PAPPA2: variants seen among roughly 807,000 people sequenced by gnomAD.
The protein encoded by PAPPA2 is pappalysin-2.
In PAPPA2, 86 loss-of-function variants were observed where a neutral mutation model predicts 176.4. The ratio of observed to expected loss-of-function variants is 0.49; its 90% CI spans 0.41 to 0.58. The LOEUF is 0.58. Ranked by LOEUF, PAPPA2 falls within the 20% of genes least tolerant of loss-of-function variation. The probability of loss-of-function intolerance (pLI) is 0.00; values close to 1 mark genes in which losing one functional copy is unlikely to be tolerated. For missense variants in PAPPA2, 2,073 were observed against 2,256.9 expected (o/e 0.92, Z 1.65); for synonymous variants, 809 against 852.2 (o/e 0.95, Z 0.88).
intron 17 of PAPPA2, among the ~76,000 whole-genome samples, chr1:176,786,589 G>T (rs1664942907): frequency 6.6e-6 from 1 of 152,162 alleles, no homozygotes; most frequent in Non-Finnish European, 1.5e-5. Flanking sequence ...ATGTGGCATT[G>T]GGACACAGGT....
chr1:176,623,618 C>CTTTCTTTCTTTCTTTCTTTCTTTCTTT (rs1558479058), intron 3 of PAPPA2, among the ~76,000 whole-genome samples: 1 of 75,274 alleles, frequency 1.3e-5, no homozygotes, highest in South Asian at 5.4e-4. Flanking sequence ...TTCCTTCCTT[C>CTTTCTTTCTTTCTTTCTTTCTTTCTTT]CTTCCTTTTT....
intron 3 of PAPPA2, among the ~76,000 whole-genome samples, chr1:176,666,663 A>G (rs915605107): frequency 6.7e-6 from 1 of 149,764 alleles, no homozygotes; most frequent in Non-Finnish European, 1.5e-5. Flanking sequence ...GATAGAGTTC[A>G]TGATGAATGG....
At chr1:176,493,687 A>T (rs867268517) in intron 1 of PAPPA2, among the ~76,000 whole-genome samples, 1 of 152,222 alleles carries the variant, frequency 6.6e-6, no homozygotes. Flanking sequence ...CACAAAACCC[A>T]GTCTTCTTCT....
chr1:176,520,996 G>A (rs1429198654), intron 1 of PAPPA2, among the ~76,000 whole-genome samples: 3 of 152,074 alleles, frequency 2.0e-5, no homozygotes, highest in South Asian at 2.1e-4. Context: ...AGTGGTTCTC[G>A]TAAGACTTTC....
chr1:176,760,549 T>C (rs1048718900), intron 14 of PAPPA2, among the ~76,000 whole-genome samples: 5 of 152,174 alleles, frequency 3.3e-5, no homozygotes, highest in African/African-American at 1.2e-4. Flanking sequence ...GTATATGTTT[T>C]TTAAAAAGCT....
intron 15 of PAPPA2, among the ~76,000 whole-genome samples, chr1:176,767,545 A>T (rs1373292364): frequency 1.3e-5 from 2 of 152,256 alleles, no homozygotes; most frequent in South Asian, 2.1e-4. Context: ...ACGGGGTTTC[A>T]CCATGTCAGC....
At chr1:176,649,701 G>T (rs148718631) in intron 3 of PAPPA2, among the ~76,000 whole-genome samples, 1 of 151,506 alleles carries the variant, frequency 6.6e-6, no homozygotes, top group Non-Finnish European at 1.5e-5. Context: ...CCGTGTGTTT[G>T]TGTTTTCTGA....
At chr1:176,498,089 G>A (rs1050986183) in intron 1 of PAPPA2, among the ~76,000 whole-genome samples, 12 of 152,160 alleles carry the variant, frequency 7.9e-5, no homozygotes, top group Non-Finnish European at 1.5e-4. Context: ...GAACACAGTG[G>A]TGGAGAGTTG....
intron 3 of PAPPA2, among the ~76,000 whole-genome samples, chr1:176,599,425 C>T (rs1233282700): frequency 1.3e-5 from 2 of 151,554 alleles, no homozygotes; most frequent in African/African-American, 4.8e-5. Flanking sequence ...CTCTTTGTTA[C>T]CCCTGATACT....
At chr1:176,748,499 C>A (rs1663022043) in intron 14 of PAPPA2, among the ~76,000 whole-genome samples, 1 of 152,034 alleles carries the variant, frequency 6.6e-6, no homozygotes, top group Admixed American at 6.6e-5. Context: ...GATTTTTTCC[C>A]CTTATTCTTT....
intron 14 of PAPPA2, among the ~76,000 whole-genome samples, chr1:176,740,999 G>A (rs1280309699): frequency 6.6e-6 from 1 of 152,042 alleles, no homozygotes; most frequent in African/African-American, 2.4e-5. Context: ...AAGAAATTCT[G>A]GTGCCACAAA....
At chr1:176,767,169 T>C (rs937632102) in intron 15 of PAPPA2, among the ~76,000 whole-genome samples, 1 of 151,706 alleles carries the variant, frequency 6.6e-6, no homozygotes, top group African/African-American at 2.4e-5. Flanking sequence ...AGAAAAGAAA[T>C]AAAAAGAATG....
chr1:176,564,758 A>C (rs1651865346), intron 2 of PAPPA2, among the ~76,000 whole-genome samples: 1 of 146,154 alleles, frequency 6.8e-6, no homozygotes, highest in Admixed American at 6.9e-5. Flanking sequence ...GCATACTGAG[A>C]TGTAACTTAT....
chr1:176,730,420 A>G (rs190646430), intron 12 of PAPPA2, among the ~76,000 whole-genome samples: 23 of 151,484 alleles, frequency 1.5e-4, no homozygotes, highest in African/African-American at 5.6e-4. Flanking sequence ...ATGTGTTTTT[A>G]TTATATTTCA....
At chr1:176,840,678 C>T (rs1044875999) in intron 22 of PAPPA2, among the ~76,000 whole-genome samples, 2 of 152,246 alleles carry the variant, frequency 1.3e-5, no homozygotes, top group African/African-American at 4.8e-5. Flanking sequence ...ACAAGCATCT[C>T]GCAGGCACAT....
At chr1:176,511,780 T>A (rs1648611420) in intron 1 of PAPPA2, among the ~76,000 whole-genome samples, 1 of 152,124 alleles carries the variant, frequency 6.6e-6, no homozygotes, top group Admixed American at 6.6e-5. Context: ...CTTCTGACAT[T>A]GGCACTCCTG....
At chr1:176,609,819 G>A (rs1654810574) in intron 3 of PAPPA2, among the ~76,000 whole-genome samples, 1 of 152,210 alleles carries the variant, frequency 6.6e-6, no homozygotes, top group South Asian at 2.1e-4. Context: ...ATTCACATGA[G>A]ATAATGCTTG....
chr1:176,524,828 C>A (rs1414936188), intron 1 of PAPPA2, among the ~76,000 whole-genome samples: 2 of 152,080 alleles, frequency 1.3e-5, no homozygotes, highest in Non-Finnish European at 2.9e-5. Flanking sequence ...TCGAGACCAT[C>A]CTGGCTAACA....
intron 19 of PAPPA2, 150 bp from the exon 20 acceptor site, chr1:176,793,410 G>A: frequency 1.6e-6 from 1 of 637,146 alleles, no homozygotes; most frequent in East Asian, 3.1e-5. Context: ...GAACACAGTA[G>A]ATGAATATCA....
Sources: gnomAD v4.1 joint callset for allele counts (sites outside exome capture counted in the v4.1 genomes callset) on GRCh38, gnomAD v4.1.1 for gene constraint, MANE v1.5 for transcripts, NCBI Gene and HGNC (gene_info 2026-07-23, HGNC 2026-07-21) for gene names.